Variants in PTPRB observed in about 807,000 individuals in gnomAD.
The protein encoded by PTPRB is protein tyrosine phosphatase receptor type B.
A neutral mutation model predicts 238.1 loss-of-function variants in PTPRB; 97 were observed. The ratio of observed to expected loss-of-function variants is 0.41; its 90% CI spans 0.35 to 0.48. PTPRB has a LOEUF of 0.48. Ranked by LOEUF, PTPRB falls within the 20% of genes least tolerant of loss-of-function variation. The pLI, the probability that PTPRB is intolerant of heterozygous loss-of-function variation, is 0.30. For synonymous variants in PTPRB, 970 were observed against 995.4 expected (o/e 0.97, Z 0.48); for missense variants, 2,292 against 2,681.9 (o/e 0.85, Z 3.21).
At chr12:70,562,768 G>C (rs1878661245) in intron 16 of PTPRB, 76 bp downstream of exon 16, 1 of 1,531,566 alleles carries the variant, frequency 6.5e-7, no homozygotes, top group Non-Finnish European at 8.9e-7. Flanking sequence ...AGGAAACTAA[G>C]GACCAACCAA....
chr12:70,632,404 G>A (rs1316035909), intron 2 of PTPRB, among the ~76,000 whole-genome samples: 5 of 151,638 alleles, frequency 3.3e-5, no homozygotes, highest in Non-Finnish European at 7.4e-5. Context: ...CAGGGCAGGA[G>A]ACATCACACA....
intron 12 of PTPRB, 95 bp from the exon 13 acceptor site, chr12:70,571,384 T>C: frequency 8.0e-7 from 1 of 1,243,356 alleles, no homozygotes; most frequent in South Asian, 1.6e-5. Context: ...ACTGGCAACA[T>C]CTCCCTTCCC....
intron 29 of PTPRB, 50 bp from the exon 30 acceptor site, chr12:70,535,005 G>GGTGAACC (rs1873885745): frequency 6.4e-7 from 1 of 1,571,098 alleles, no homozygotes; most frequent in African/African-American, 1.4e-5. Context: ...GTGACTCCTT[G>GGTGAACC]GTGAACCTGG....
At chr12:70,538,365 G>A (rs538685109) in intron 27 of PTPRB, 134 bp from the exon 28 acceptor site, 431 of 685,272 alleles carry the variant, frequency 6.3e-4, no homozygotes, top group South Asian at 6.0e-3. Flanking sequence ...TTGCAGATGA[G>A]GCTCAGGCAG....
chr12:70,525,834 T>C (rs1872348978), intron 32 of PTPRB, among the ~76,000 whole-genome samples: 1 of 152,252 alleles, frequency 6.6e-6, no homozygotes, highest in South Asian at 2.1e-4. Context: ...GGCTGAGCCA[T>C]CAGGCTTCTG....
chr12:70,635,075 T>A (rs951234705), intron 2 of PTPRB, among the ~76,000 whole-genome samples: 4 of 152,302 alleles, frequency 2.6e-5, no homozygotes, highest in East Asian at 3.9e-4. Context: ...CTGGGTTATA[T>A]CCATTAATGG....
At chr12:70,627,254 G>C (rs1394560644) in intron 2 of PTPRB, among the ~76,000 whole-genome samples, 3 of 152,114 alleles carry the variant, frequency 2.0e-5, no homozygotes, top group Non-Finnish European at 4.4e-5. Flanking sequence ...AGGGCTATCA[G>C]GCTATAGGAG....
intron 8 of PTPRB, among the ~76,000 whole-genome samples, chr12:70,589,159 C>G (rs1882233594): frequency 6.6e-6 from 1 of 152,024 alleles, no homozygotes; most frequent in Non-Finnish European, 1.5e-5. Context: ...GATCATCATC[C>G]AGTGGATATT....
In PTPRB at chr12:70,594,548, T is replaced by C. The variant is rs200101220; in HGVS notation, c.1435A>G (p.Thr479Ala). 34 of 1,613,874 alleles carry C rather than the reference T, an allele frequency of 2.1e-5. No individual in the cohort carries two copies. The highest frequency in any genetic ancestry group is 2.7e-5 in the Non-Finnish European group (32 of 1,179,878). ...GTGAGGTTGTAGAGGTAGCCAGGGG[T>C]CAGCCCGTGAAAAGCATAGGAAGTA... ...HATSYAFHGL[T>A]PGYLYNLTVM... Residue 479 changes from threonine (T) to alanine (A), a missense_variant, in exon 6 of 34, where the codon ACC becomes GCC. Transcript: ENST00000334414.
At chr12:70,606,394 G>T (rs911664207) in intron 4 of PTPRB, among the ~76,000 whole-genome samples, 1 of 152,058 alleles carries the variant, frequency 6.6e-6, no homozygotes, top group Admixed American at 6.5e-5. Flanking sequence ...CCTTAAGGTC[G>T]TGTCTATATG....
intron 3 of PTPRB, chr12:70,609,835 C>T (rs943209569): frequency 3.2e-6 from 5 of 1,568,946 alleles, no homozygotes; most frequent in Non-Finnish European, 4.3e-6. Context: ...AGTTAAGATC[C>T]AGAGGAGACC....
chr12:70,570,050 T>A, intron 13 of PTPRB, 112 bp from the exon 14 acceptor site: 1 of 1,017,044 alleles, frequency 9.8e-7, no homozygotes, highest in Non-Finnish European at 1.4e-6. Flanking sequence ...AGAACTCACA[T>A]GAAAAAGAAA....
chr12:70,533,940 C>T (rs889643299), intron 31 of PTPRB, among the ~76,000 whole-genome samples: 2 of 152,278 alleles, frequency 1.3e-5, no homozygotes, highest in South Asian at 4.1e-4. Context: ...TATTTATTAT[C>T]CAGTCTGTGG....
Position 70,562,501 on chromosome 12 carries a change from A to G in PTPRB, c.4168+343T>C, listed in dbSNP as rs114758491. ...TCTGCTCCTGCTCTCCTCTCCGTCT[A>G]TTTCTTGTTAGAAAGCTGAAGGGTG... is the stretch of plus-strand genomic sequence containing the variant. On this transcript the variant is annotated intron_variant, in intron 16 of 33. Transcript: ENST00000334414. Among the ~76,000 whole-genome samples, 964 of 152,176 alleles carry G rather than the reference A, an allele frequency of 6.3e-3. 13 individuals are homozygous for G. The highest frequency in any genetic ancestry group is 0.022 in the African/African-American group (910 of 41,504).
chr12:70,617,457 G>A (rs918079429), intron 3 of PTPRB, among the ~76,000 whole-genome samples: 57 of 152,118 alleles, frequency 3.7e-4, no homozygotes, highest in African/African-American at 1.4e-3. Flanking sequence ...TCTAGGAGTC[G>A]AGATGAAGGA....
chr12:70,540,066 G>A (rs1425695002), intron 23 of PTPRB, 44 bp from the exon 24 acceptor site: 3 of 1,496,532 alleles, frequency 2.0e-6, no homozygotes, highest in East Asian at 2.3e-5. Flanking sequence ...TATGATACTT[G>A]GCTTGAACAA....
At position 70,534,840 on chromosome 12, in the gene PTPRB, A is replaced by G. The variant is rs1361900689; in HGVS notation, c.6197T>C (p.Ile2066Thr). 9.3e-6 allele frequency: 15 copies of G among 1,613,776 alleles called. No homozygotes were observed. The highest frequency in any genetic ancestry group is 1.7e-5 in the Admixed American group (1 of 60,000). ...LPEWTIREFK[I>T]CGEEQLDAHR... ...TCAAGCAAGCTAACATACACCGCATATCTTAAACTCCCGGATGGTCCACTC... is the reference window on the plus strand; with the variant it reads ...TCAAGCAAGCTAACATACACCGCATGTCTTAAACTCCCGGATGGTCCACTC... Residue 2066 changes from isoleucine to threonine, a missense_variant, in exon 30 of 34, where the codon ATA becomes ACA. Coordinates refer to ENST00000334414, the MANE Select transcript of PTPRB (RefSeq NM_001109754.4).
intron 4 of PTPRB, 27 bp from the exon 5 acceptor site, chr12:70,596,354 CAA>C (rs58070382): frequency 1.0e-4 from 116 of 1,120,120 alleles, no homozygotes; most frequent in South Asian, 5.9e-4. Context: ...CACACACACA[CAA>C]AAAAAAAAAA....
At chr12:70,528,222 A>G (rs1872680817) in intron 32 of PTPRB, among the ~76,000 whole-genome samples, 1 of 152,148 alleles carries the variant, frequency 6.6e-6, no homozygotes, top group Admixed American at 6.5e-5. Context: ...AATCTGGCAG[A>G]CCCTAAACAC....
Sources: gnomAD v4.1 joint callset for allele counts (sites outside exome capture counted in the v4.1 genomes callset) on GRCh38, gnomAD v4.1.1 for gene constraint, MANE v1.5 for transcripts, NCBI Gene and HGNC (gene_info 2026-07-23, HGNC 2026-07-21) for gene names.